The following ARHGAP28 variants were observed in gnomAD, a reference collection of about 807,000 sequenced individuals.
The protein encoded by ARHGAP28 is rho GTPase-activating protein 28.
Under a neutral mutation model 90.7 loss-of-function variants are expected in ARHGAP28, and 56 were observed. The observed-to-expected ratio is 0.62, with a 90% confidence interval of 0.50 to 0.77. The LOEUF (loss-of-function observed/expected upper bound fraction) is 0.77. Ranked by LOEUF, ARHGAP28 falls within the 30% of genes least tolerant of loss-of-function variation. ARHGAP28 has a pLI of 0.00. For missense variants in ARHGAP28, 869 were observed against 900.9 expected (o/e 0.96, Z 0.45); for synonymous variants, 308 against 323.3 (o/e 0.95, Z 0.51).
chr18:6,871,273 T>G (rs1221956969), intron 7 of ARHGAP28, among the ~76,000 whole-genome samples: 1 of 152,204 alleles, frequency 6.6e-6, no homozygotes, highest in Non-Finnish European at 1.5e-5. Context: ...GCTTGAATAC[T>G]GTTTTACAAA....
At chr18:6,894,028 G>T (rs887462240) in intron 14 of ARHGAP28, among the ~76,000 whole-genome samples, 1 of 151,670 alleles carries the variant, frequency 6.6e-6, no homozygotes, top group Admixed American at 6.6e-5. Flanking sequence ...CACCACGCTC[G>T]GCTAATTTTT....
intron 1 of ARHGAP28, among the ~76,000 whole-genome samples, chr18:6,775,614 G>T (rs1332677033): frequency 6.6e-6 from 1 of 152,164 alleles, no homozygotes; most frequent in Non-Finnish European, 1.5e-5. Flanking sequence ...ACATTCGCTG[G>T]ATGTGTTCAT....
intron 1 of ARHGAP28, among the ~76,000 whole-genome samples, chr18:6,813,780 T>C (rs1039102718): frequency 2.0e-5 from 3 of 152,140 alleles, no homozygotes; most frequent in Admixed American, 2.0e-4. Flanking sequence ...TAATTAGCTG[T>C]GTCATTTTGG....
rs74747790 is a variant in ARHGAP28, at chr18:6,732,606, C to T, written c.122+2663C>T. On this transcript the variant is annotated intron_variant, in intron 1 of 17. Coordinates refer to ENST00000383472, the MANE Select transcript of ARHGAP28 (RefSeq NM_001366230.1). Reference sequence around the variant, plus strand: ...TGGGGGCTGCTGTGCTTGTTTGCCACACTCTCCCTGTTTCCCTTCAACATT... The same window carrying T: ...TGGGGGCTGCTGTGCTTGTTTGCCATACTCTCCCTGTTTCCCTTCAACATT... Among the ~76,000 whole-genome samples, 3 of 152,340 alleles carry T rather than the reference C, an allele frequency of 2.0e-5. No homozygotes were observed. In the East Asian group the frequency reaches 5.8e-4, roughly 29 times the overall value.
intron 1 of ARHGAP28, among the ~76,000 whole-genome samples, chr18:6,771,855 G>T (rs1330930640): frequency 6.6e-6 from 1 of 152,132 alleles, no homozygotes; most frequent in South Asian, 2.1e-4. Flanking sequence ...AAAAGGTTAG[G>T]ACTGTTGTTC....
intron 1 of ARHGAP28, among the ~76,000 whole-genome samples, chr18:6,782,584 A>ATTTTTTTTTTTTT (rs1567945676): frequency 1.4e-5 from 1 of 71,284 alleles, no homozygotes; most frequent in African/African-American, 4.4e-5. Flanking sequence ...CGCCCAGCTA[A>ATTTTTTTTTTTTT]TTTTTGTATT....
chr18:6,794,012 A>T (rs544523375), intron 1 of ARHGAP28, among the ~76,000 whole-genome samples: 1 of 152,306 alleles, frequency 6.6e-6, no homozygotes, highest in South Asian at 2.1e-4. Context: ...GATAACAAAC[A>T]CCATTAAACT....
intron 6 of ARHGAP28, among the ~76,000 whole-genome samples, chr18:6,868,466 C>T (rs773922305): frequency 2.0e-5 from 3 of 152,156 alleles, no homozygotes; most frequent in African/African-American, 4.8e-5. Context: ...TCCTCCTTCA[C>T]GACCACCTCA....
At chr18:6,731,208 T>C (rs1056450020) in intron 1 of ARHGAP28, among the ~76,000 whole-genome samples, 3 of 152,194 alleles carry the variant, frequency 2.0e-5, no homozygotes, top group Admixed American at 6.5e-5. Flanking sequence ...GGCATTTGTC[T>C]TTAGGGTATT....
At chr18:6,793,570 T>C (rs1600189446) in intron 1 of ARHGAP28, among the ~76,000 whole-genome samples, 1 of 152,162 alleles carries the variant, frequency 6.6e-6, no homozygotes, top group Admixed American at 6.5e-5. Flanking sequence ...AGGAAACTAT[T>C]TGAATGTCTT....
At chr18:6,850,112 A>G (rs529603525) in intron 3 of ARHGAP28, among the ~76,000 whole-genome samples, 227 of 152,278 alleles carry the variant, frequency 1.5e-3, no homozygotes, top group African/African-American at 5.1e-3. Context: ...TTGCATTTAT[A>G]ATTCAACAAT....
At chr18:6,901,540 TAA>T (rs57305269) in intron 16 of ARHGAP28, among the ~76,000 whole-genome samples, 37,476 of 132,332 alleles carry the variant, frequency 0.28, 4,853 homozygotes, top group African/African-American at 0.32. Context: ...CTTGATATGA[TAA>T]AAAAAAAAAA....
In ARHGAP28 at chr18:6,768,668, T is replaced by A. The variant is rs180695591; in HGVS notation, c.122+38725T>A. ...AGCAACAAATGCAAGGAGACCCCCA[T>A]ATGGATTAATTGAGCTCTTTGTCTC... is the stretch of plus-strand genomic sequence containing the variant. On this transcript the variant is annotated intron_variant, in intron 1 of 17. Coordinates refer to ENST00000383472, the MANE Select transcript of ARHGAP28 (RefSeq NM_001366230.1). Among the ~76,000 whole-genome samples, 69 of 152,296 alleles carry A rather than the reference T, an allele frequency of 4.5e-4. No individual in the cohort carries two copies. The East Asian group carries it at 0.011, about 23-fold the overall frequency.
At position 6,905,707 on chromosome 18, in the gene ARHGAP28, A is replaced by T. The variant is rs1377365797; in HGVS notation, c.2031-3253A>T. On this transcript the variant is annotated intron_variant, in intron 16 of 17. Transcript: ENST00000383472. Reference sequence around the variant, plus strand: ...TAAGTCAGTTCAGTAAGATCACAGGATACAAGATTAACACACAAAAATCAA... The same window carrying T: ...TAAGTCAGTTCAGTAAGATCACAGGTTACAAGATTAACACACAAAAATCAA... 2.0e-5 allele frequency among the ~76,000 whole-genome samples: 3 copies of T among 152,322 alleles called. No homozygotes were observed. The South Asian group carries it at 6.2e-4, about 32-fold the overall frequency.
chr18:6,760,704 C>T (rs1226343032), intron 1 of ARHGAP28, among the ~76,000 whole-genome samples: 1 of 152,206 alleles, frequency 6.6e-6, no homozygotes, highest in African/African-American at 2.4e-5. Context: ...CTCAATTTAG[C>T]TATTGCAATA....
At chr18:6,817,766 C>T (rs527943947) in intron 1 of ARHGAP28, among the ~76,000 whole-genome samples, 2 of 152,220 alleles carry the variant, frequency 1.3e-5, no homozygotes, top group South Asian at 2.1e-4. Flanking sequence ...AAAGGGATGG[C>T]ACCTATATCA....
At position 6,839,380 on chromosome 18, in the gene ARHGAP28, G is replaced by A. The variant is rs111838281; in HGVS notation, c.543+1966G>A. 2.4e-3 allele frequency among the ~76,000 whole-genome samples: 360 copies of A among 147,312 alleles called. 2 individuals are homozygous for A. Among genetic ancestry groups the A allele is most frequent in the African/African-American group, 7.9e-3 (314 of 39,870 alleles). On this transcript the variant is annotated intron_variant, in intron 3 of 17. Transcript: ENST00000383472. ...GCAATCTCGGCTCACTGCAAGCTCC[G>A]CCTCCCGGGTTCACGCCATTCTCCC...
rs145495954 is a variant in ARHGAP28 at position 6,856,535 on chromosome 18, G to A, written c.637-3273G>A. 5.1e-3 allele frequency among the ~76,000 whole-genome samples: 773 copies of A among 151,970 alleles called. 4 individuals carry two copies. The highest frequency in any genetic ancestry group is 8.0e-3 in the Non-Finnish European group (542 of 67,972). On this transcript the variant is annotated intron_variant, in intron 4 of 17. Transcript: ENST00000383472. ...TTGTTTTTTTGTGTTTTAGAGACAG[G>A]GTCTCACTCTGTTGTCCAGCCTGGA...
intron 1 of ARHGAP28, among the ~76,000 whole-genome samples, chr18:6,781,075 G>A (rs554792472): frequency 6.6e-6 from 1 of 152,214 alleles, no homozygotes; most frequent in African/African-American, 2.4e-5. Flanking sequence ...ATCCAATTTA[G>A]CACTTTCTAA....
Sources: gnomAD v4.1 joint callset for allele counts (sites outside exome capture counted in the v4.1 genomes callset) on GRCh38, gnomAD v4.1.1 for gene constraint, MANE v1.5 for transcripts, NCBI Gene and HGNC (gene_info 2026-07-23, HGNC 2026-07-21) for gene names.